Variants in GPR158 observed in about 807,000 individuals in gnomAD.
GPR158 encodes G protein-coupled receptor 158.
In GPR158, 30 loss-of-function variants were observed where a neutral mutation model predicts 78.2. That is an observed-to-expected ratio of 0.38 (90% CI 0.29 to 0.52). GPR158 has a LOEUF of 0.52. Among genes scored for constraint, GPR158 ranks in the 20% least tolerant of loss-of-function variants. The probability of loss-of-function intolerance (pLI) is 0.83; values close to 1 mark genes in which losing one functional copy is unlikely to be tolerated. For missense variants in GPR158, 1,463 were observed against 1,523.5 expected (o/e 0.96, Z 0.66); for synonymous variants, 581 against 591.1 (o/e 0.98, Z 0.25).
intron 2 of GPR158, among the ~76,000 whole-genome samples, chr10:25,255,422 G>A (rs780758551): frequency 7.9e-5 from 12 of 152,184 alleles, no homozygotes; most frequent in Non-Finnish European, 1.6e-4. Context: ...TTGTAGGTCA[G>A]AAGCCTAGGC....
chr10:25,429,231 A>G (rs1006383070), intron 4 of GPR158, among the ~76,000 whole-genome samples: 5 of 152,142 alleles, frequency 3.3e-5, no homozygotes, highest in African/African-American at 9.7e-5. Flanking sequence ...TTATTTAAAC[A>G]TAAGTGAATT....
At chr10:25,429,494 T>C (rs1834868302) in intron 4 of GPR158, among the ~76,000 whole-genome samples, 1 of 152,144 alleles carries the variant, frequency 6.6e-6, no homozygotes, top group Non-Finnish European at 1.5e-5. Context: ...GTGAAAATTA[T>C]TTAGCTCATT....
intron 2 of GPR158, among the ~76,000 whole-genome samples, chr10:25,359,884 T>C (rs2130531861): frequency 1.3e-5 from 2 of 152,318 alleles, no homozygotes; most frequent in African/African-American, 4.8e-5. Context: ...ACCAACAGTG[T>C]AAAAGAATTC....
chr10:25,412,572 G>T (rs1230548980), intron 4 of GPR158, 99 bp downstream of exon 4: 1 of 760,972 alleles, frequency 1.3e-6, no homozygotes, highest in African/African-American at 1.7e-5. Flanking sequence ...TCCCTCCTAA[G>T]CAGCAGTCTT....
chr10:25,254,471 G>T (rs906752140), intron 2 of GPR158, among the ~76,000 whole-genome samples: 1 of 152,144 alleles, frequency 6.6e-6, no homozygotes. Context: ...TTTTTAAAAG[G>T]AGTAGACAAA....
intron 6 of GPR158, among the ~76,000 whole-genome samples, chr10:25,567,249 C>T (rs141434549): frequency 3.9e-5 from 6 of 152,056 alleles, no homozygotes; most frequent in Admixed American, 6.6e-5. Context: ...ATAATAAAAA[C>T]GGAAAAATCT....
At chr10:25,417,766 G>A (rs1834682792) in intron 4 of GPR158, among the ~76,000 whole-genome samples, 7 of 152,138 alleles carry the variant, frequency 4.6e-5, no homozygotes, top group Admixed American at 4.6e-4. Context: ...CATGCTCTCA[G>A]ATGCCAGAAG....
chr10:25,546,328 G>T (rs188655149), intron 5 of GPR158, among the ~76,000 whole-genome samples: 4 of 152,124 alleles, frequency 2.6e-5, no homozygotes, highest in Admixed American at 6.6e-5. Context: ...GCTGTGTTCA[G>T]TATCCAAAGA....
Position 25,175,922 on chromosome 10 carries a change from G to A in GPR158, c.502G>A (p.Glu168Lys), listed in dbSNP as rs370596082. 6 of 1,613,554 alleles carry A rather than the reference G, an allele frequency of 3.7e-6. No individual in the cohort carries two copies. Among genetic ancestry groups the A allele is most frequent in the Non-Finnish European group, 5.1e-6 (6 of 1,179,982 alleles). ...GCTGGTGTGGAGCCTTCTGGAGGGC[G>A]AGCCCAGCATCTCCCGGGCGGCCAT... ...QALVWSLLEG[E>K]PSISRAAITF... is the part of the protein sequence containing the mutation. The change falls in exon 1 of 11, where the codon GAG becomes AAG. Residue 168 changes from glutamate (E) to lysine (K), a missense_variant. Transcript: ENST00000376351. This position sits in a 1 kb window ranked among gnomAD's most constrained non-coding sequence, Gnocchi z 6.4.
intron 4 of GPR158, among the ~76,000 whole-genome samples, chr10:25,430,235 A>T (rs1274747775): frequency 6.6e-6 from 1 of 152,026 alleles, no homozygotes; most frequent in Non-Finnish European, 1.5e-5. Flanking sequence ...ACAGAGAGCC[A>T]AATCATGAGT....
At chr10:25,241,372 C>CTCTTCTCTTCTCTTCTCT (rs1554787300) in intron 2 of GPR158, among the ~76,000 whole-genome samples, 30 of 102,944 alleles carry the variant, frequency 2.9e-4, no homozygotes, top group African/African-American at 1.5e-3. Context: ...CTTTTCTTTT[C>CTCTTCTCTTCTCTTCTCT]TCTCTTCTCT....
chr10:25,589,130 T>C lies in GPR158; in HGVS notation c.1877T>C (p.Ile626Thr), dbSNP rs771592794. 1.2e-6 allele frequency: 2 copies of C among 1,607,426 alleles called. No individual in the cohort carries two copies. The highest frequency in any genetic ancestry group is 1.7e-6 in the Non-Finnish European group (2 of 1,175,796). ...CACAATGAGCTCATCATCTCTGCTA[T>C]ATTCCATACAATTAGGCAAGTGATC... The part of the protein sequence containing the change: ...AVHNELIISA[I>T]FHTIRFVLAS... The change falls in exon 8 of 11, where the codon ATA becomes ACA. Residue 626 changes from isoleucine to threonine, a missense_variant. Coordinates refer to ENST00000376351, the MANE Select transcript of GPR158 (RefSeq NM_020752.3).
At chr10:25,239,505 G>A (rs1431141392) in intron 2 of GPR158, among the ~76,000 whole-genome samples, 1 of 152,014 alleles carries the variant, frequency 6.6e-6, no homozygotes, top group Non-Finnish European at 1.5e-5. Context: ...ATACTTGGGA[G>A]GCTGAGGCAG....
chr10:25,431,777 C>A (rs1397220137), intron 4 of GPR158, among the ~76,000 whole-genome samples: 1 of 152,040 alleles, frequency 6.6e-6, no homozygotes, highest in African/African-American at 2.4e-5. Flanking sequence ...CCAAACACCG[C>A]ATATTCTCAC....
intron 2 of GPR158, among the ~76,000 whole-genome samples, chr10:25,295,427 T>A (rs1854497597): frequency 6.6e-6 from 1 of 152,160 alleles, no homozygotes; most frequent in Non-Finnish European, 1.5e-5. Context: ...TCTTTCTTTT[T>A]TTTTGAGACG....
At position 25,602,060 on chromosome 10, in the gene GPR158, C is replaced by T. The variant is rs1273976650; in HGVS notation, c.*2786C>T. The T allele has an allele frequency of 6.6e-6, 1 of 151,992 alleles. No individual in the cohort carries two copies. Among genetic ancestry groups the T allele is most frequent in the South Asian group, 2.1e-4 (1 of 4,794 alleles). The allele number at this position is 151,992 out of a possible 1,614,324, so 9.4% of individuals were successfully genotyped here. A position where few individuals can be genotyped will look rare whatever the true frequency, so the allele number is the denominator to read the frequency against. ...CTTCTAGCATTTAGCAACCGAGAGTCGTAGAGTCAATAAAGCTGTAAGTGT... is the reference window on the plus strand; with the variant it reads ...CTTCTAGCATTTAGCAACCGAGAGTTGTAGAGTCAATAAAGCTGTAAGTGT... On this transcript the variant is annotated 3_prime_UTR_variant, in exon 11 of 11. Transcript: ENST00000376351.
chr10:25,312,050 T>C (rs1854772130), intron 2 of GPR158, among the ~76,000 whole-genome samples: 1 of 152,074 alleles, frequency 6.6e-6, no homozygotes, highest in Admixed American at 6.5e-5. Flanking sequence ...TCTGGCCTTA[T>C]ACAAATTTGT....
intron 4 of GPR158, among the ~76,000 whole-genome samples, chr10:25,432,410 A>G (rs1773663): frequency 0.7 from 106,171 of 151,826 alleles, 38,114 homozygotes; most frequent in Non-Finnish European, 0.8. Context: ...TTAAAAGTGC[A>G]TGGTCGTTTC....
At chr10:25,311,925 C>T (rs1854770947) in intron 2 of GPR158, among the ~76,000 whole-genome samples, 1 of 151,904 alleles carries the variant, frequency 6.6e-6, no homozygotes. Flanking sequence ...TATGGTTGTA[C>T]ATTTTGTATA....
Sources: gnomAD v4.1 joint callset for allele counts (sites outside exome capture counted in the v4.1 genomes callset) on GRCh38, gnomAD v4.1.1 for gene constraint, Gnocchi (gnomAD v3.1) non-coding constraint, MANE v1.5 for transcripts, NCBI Gene and HGNC (gene_info 2026-07-23, HGNC 2026-07-21) for gene names.